The following ADK variants were observed in gnomAD, a reference collection of about 807,000 sequenced individuals.
ADK encodes the protein N6,N6-dimethyladenosine kinase.
In ADK, 24 loss-of-function variants were observed where a neutral mutation model predicts 44.7. That is an observed-to-expected ratio of 0.54 (90% CI 0.39 to 0.76). The LOEUF is 0.76. Among genes scored for constraint, ADK ranks in the 30% least tolerant of loss-of-function variants. The pLI is 0.00. For synonymous variants in ADK, 128 were observed against 142.6 expected, an observed-to-expected ratio of 0.90 and a Z score of 0.73; for missense variants, 321 against 425.1, an observed-to-expected ratio of 0.76 and a Z score of 2.15.
At chr10:74,530,709 T>C (rs1358192803) in intron 7 of ADK, among the ~76,000 whole-genome samples, 1 of 152,078 alleles carries the variant, frequency 6.6e-6, no homozygotes, top group Admixed American at 6.6e-5. Context: ...GTGGATCCTT[T>C]GAGGTCAGGA....
chr10:74,201,686 ATCTATC>A (rs1843397534), intron 2 of ADK, among the ~76,000 whole-genome samples: 1 of 93,294 alleles, frequency 1.1e-5, no homozygotes, highest in Non-Finnish European at 2.2e-5. Context: ...GTATCTATCT[ATCTATC>A]TATCTATCTA....
chr10:74,681,730 A>G (rs1422450524), intron 10 of ADK, among the ~76,000 whole-genome samples: 5 of 152,042 alleles, frequency 3.3e-5, no homozygotes, highest in African/African-American at 1.2e-4. Context: ...GGCACCTGTA[A>G]TCCCAGCTAC....
At chr10:74,645,982 T>G (rs935700759) in intron 9 of ADK, among the ~76,000 whole-genome samples, 3 of 152,208 alleles carry the variant, frequency 2.0e-5, no homozygotes, top group Non-Finnish European at 4.4e-5. Context: ...CATCTGCAAC[T>G]TCGATCTTAT....
At chr10:74,663,636 ATAAAC>A (rs1395692561) in intron 9 of ADK, among the ~76,000 whole-genome samples, 1 of 152,208 alleles carries the variant, frequency 6.6e-6, no homozygotes, top group African/African-American at 2.4e-5. Context: ...ATTCAGTTCA[ATAAAC>A]TAAACTAATT....
At chr10:74,451,486 G>A (rs1461916999) in intron 6 of ADK, among the ~76,000 whole-genome samples, 3 of 152,114 alleles carry the variant, frequency 2.0e-5, no homozygotes, top group Non-Finnish European at 4.4e-5. Flanking sequence ...AAATGCTAAT[G>A]ATGAAAGATG....
rs535366968 is a variant in ADK at position 74,321,832 on chromosome 10, G to A, written c.273+7087G>A. Among the ~76,000 whole-genome samples, 6 of 152,082 alleles carry A rather than the reference G, an allele frequency of 3.9e-5. No homozygotes were observed. The Middle Eastern group carries it at 0.02, about 517-fold the overall frequency. On this transcript the variant is annotated intron_variant, in intron 4 of 10. Coordinates refer to ENST00000539909, the MANE Select transcript of ADK (RefSeq NM_006721.4). ...ACATAATAAACTAGTGTTCATAATT[G>A]TATTTTAAAGCTTTCCAAAATTCTA...
chr10:74,223,087 T>C (rs1043195751), intron 2 of ADK, among the ~76,000 whole-genome samples: 1 of 152,152 alleles, frequency 6.6e-6, no homozygotes, highest in Non-Finnish European at 1.5e-5. Context: ...AACTGGGTAT[T>C]TTATAAGAAA....
At chr10:74,655,292 A>G (rs1358118416) in intron 9 of ADK, 2 of 467,910 alleles carry the variant, frequency 4.3e-6, no homozygotes, top group African/African-American at 2.0e-5. Context: ...AGAAGGGCCC[A>G]GCTGAAATGA....
chr10:74,332,263 A>T (rs1841244105), intron 4 of ADK, among the ~76,000 whole-genome samples: 1 of 152,220 alleles, frequency 6.6e-6, no homozygotes, highest in Non-Finnish European at 1.5e-5. Flanking sequence ...TGTTGATGAT[A>T]ATATTAGATG....
At chr10:74,573,732 CGCTGCTGCCTT>C (rs1189962654) in intron 7 of ADK, among the ~76,000 whole-genome samples, 1 of 152,142 alleles carries the variant, frequency 6.6e-6, no homozygotes, top group Non-Finnish European at 1.5e-5. Context: ...CCCCCAGCCT[CGCTGCTGCCTT>C]GCAGTTTGAT....
chr10:74,483,458 T>A (rs1026536711), intron 6 of ADK, among the ~76,000 whole-genome samples: 1 of 152,200 alleles, frequency 6.6e-6, no homozygotes, highest in Non-Finnish European at 1.5e-5. Flanking sequence ...TTTTCCCCAC[T>A]GTCTCGGCTA....
intron 9 of ADK, among the ~76,000 whole-genome samples, chr10:74,631,515 C>T (rs1264000665): frequency 6.6e-6 from 1 of 151,796 alleles, no homozygotes; most frequent in Non-Finnish European, 1.5e-5. Context: ...GCCTCAGCCT[C>T]CTAAAGTGCT....
chr10:74,237,244 C>T (rs10824123), intron 3 of ADK, among the ~76,000 whole-genome samples: 80,256 of 152,070 alleles, frequency 0.53, 22,279 homozygotes, highest in Non-Finnish European at 0.62. Flanking sequence ...GTCATTTCAG[C>T]AGTGTTCACA....
intron 6 of ADK, among the ~76,000 whole-genome samples, chr10:74,499,807 C>G (rs1224249123): frequency 2.6e-5 from 4 of 152,218 alleles, no homozygotes; most frequent in African/African-American, 9.6e-5. Context: ...ATTCAAGACG[C>G]CTCTGCCATG....
chr10:74,443,553 C>T (rs188045523), intron 6 of ADK, among the ~76,000 whole-genome samples: 109 of 152,178 alleles, frequency 7.2e-4, no homozygotes, highest in Non-Finnish European at 1.3e-3. Flanking sequence ...TGTTGTGGGA[C>T]AATGCTACAC....
chr10:74,672,033 T>A (rs1267674659), intron 10 of ADK, among the ~76,000 whole-genome samples: 3 of 152,208 alleles, frequency 2.0e-5, no homozygotes, highest in African/African-American at 7.2e-5. Flanking sequence ...TAGCTACCAT[T>A]TGTATTGTGG....
intron 6 of ADK, among the ~76,000 whole-genome samples, chr10:74,450,413 T>C (rs1468950595): frequency 6.6e-6 from 1 of 152,216 alleles, no homozygotes; most frequent in Admixed American, 6.5e-5. Flanking sequence ...TGTAAACTCT[T>C]TGAGAGTAAG....
intron 4 of ADK, among the ~76,000 whole-genome samples, chr10:74,338,544 A>G (rs1317398082): frequency 6.6e-6 from 1 of 152,186 alleles, no homozygotes; most frequent in Non-Finnish European, 1.5e-5. Flanking sequence ...GAATAGATAA[A>G]CAAACTGTGA....
intron 9 of ADK, among the ~76,000 whole-genome samples, chr10:74,619,052 G>A (rs1183921805): frequency 7.4e-6 from 1 of 134,694 alleles, no homozygotes. Context: ...GTGTGTGTGT[G>A]TGTGTGTTTT....
Sources: gnomAD v4.1 joint callset for allele counts (sites outside exome capture counted in the v4.1 genomes callset) on GRCh38, gnomAD v4.1.1 for gene constraint, MANE v1.5 for transcripts, NCBI Gene and HGNC (gene_info 2026-07-23, HGNC 2026-07-21) for gene names.